Variants in ME2 observed in about 807,000 individuals in gnomAD.
The protein encoded by ME2 is NAD-dependent malic enzyme, mitochondrial.
In ME2, 60 loss-of-function variants were observed where a neutral mutation model predicts 73.7. The observed-to-expected ratio is 0.81, with a 90% CI of 0.66 to 1.01. The LOEUF (loss-of-function observed/expected upper bound fraction) is 1.01. ME2 is among the 50% of genes least tolerant of loss of function. The pLI is 0.00. For missense variants in ME2, 594 were observed against 705.5 expected, an observed-to-expected ratio of 0.84 and a Z score of 1.79; for synonymous variants, 199 against 236.9, an observed-to-expected ratio of 0.84 and a Z score of 1.47.
At chr18:50,888,953 G>A (rs1324300041) in intron 1 of ME2, among the ~76,000 whole-genome samples, 1 of 152,010 alleles carries the variant, frequency 6.6e-6, no homozygotes, top group Non-Finnish European at 1.5e-5. Flanking sequence ...CATATAATTT[G>A]TAAAGATCAA....
At chr18:50,906,336 G>A (rs1476647309) in intron 2 of ME2, among the ~76,000 whole-genome samples, 1 of 151,886 alleles carries the variant, frequency 6.6e-6, no homozygotes. Flanking sequence ...TTTTTGAGAT[G>A]GAGTATTGCT....
rs374036120 is a variant in ME2, at chr18:50,911,380, C to T, written c.243-1421C>T. On this transcript the variant is annotated intron_variant, in intron 3 of 15. Coordinates refer to ENST00000321341, the MANE Select transcript of ME2 (RefSeq NM_002396.5). ...ATTTATTCACCAAATATTTGCACAC[C>T]AGTTATATGCCACATATTGCTATTA... Among the ~76,000 whole-genome samples, 7 of 152,078 alleles carry T rather than the reference C, an allele frequency of 4.6e-5. No homozygotes were observed. The East Asian group carries it at 7.7e-4, about 17-fold the overall frequency.
intron 15 of ME2, chr18:50,942,799 G>T: frequency 3.7e-6 from 1 of 267,876 alleles, no homozygotes; most frequent in South Asian, 1.6e-4. Context: ...CCAGTTTTTT[G>T]AACAATCTTA....
chr18:50,881,188 C>T (rs1238862807), intron 1 of ME2, among the ~76,000 whole-genome samples: 2 of 152,140 alleles, frequency 1.3e-5, no homozygotes, highest in Non-Finnish European at 2.9e-5. Context: ...ACCACCATGC[C>T]CGGCTAATTT....
chr18:50,898,711 G>A (rs933306355), intron 2 of ME2, among the ~76,000 whole-genome samples: 2 of 152,144 alleles, frequency 1.3e-5, no homozygotes, highest in African/African-American at 4.8e-5. Context: ...GGGATTACAG[G>A]CATGAGCCAC....
intron 3 of ME2, among the ~76,000 whole-genome samples, chr18:50,911,995 G>A (rs1917169063): frequency 6.6e-6 from 1 of 152,116 alleles, no homozygotes; most frequent in African/African-American, 2.4e-5. Context: ...GGGAGCTAAT[G>A]GATATATTTG....
intron 2 of ME2, among the ~76,000 whole-genome samples, chr18:50,905,980 C>A (rs1917010188): frequency 1.3e-5 from 2 of 152,234 alleles, no homozygotes; most frequent in South Asian, 2.1e-4. Context: ...GGTTGGGAGA[C>A]CTTAGAATTT....
chr18:50,906,956 C>T (rs1054745799), intron 2 of ME2, among the ~76,000 whole-genome samples: 1 of 152,172 alleles, frequency 6.6e-6, no homozygotes, highest in Non-Finnish European at 1.5e-5. Context: ...TTTGAAAGCT[C>T]CAACCCCATG....
intron 11 of ME2, among the ~76,000 whole-genome samples, chr18:50,925,457 C>T (rs563256493): frequency 2.6e-5 from 4 of 152,072 alleles, no homozygotes; most frequent in East Asian, 1.9e-4. Flanking sequence ...CCAGTCTGGG[C>T]GACAGAGCGA....
chr18:50,897,082 T>G (rs1028234494), intron 2 of ME2, among the ~76,000 whole-genome samples: 5 of 152,244 alleles, frequency 3.3e-5, no homozygotes, highest in African/African-American at 1.2e-4. Flanking sequence ...TAGCAGTTTC[T>G]TCCTGTTCCT....
rs149205156 is a variant in ME2, at chr18:50,921,641, A to G, written c.1056+454A>G. ...ACCCAGGCTGGAGTGCAGTGGTGCG[A>G]TGTCACCTCGCTGCAACTTCTGCCT... On this transcript the variant is annotated intron_variant, in intron 10 of 15. Coordinates refer to ENST00000321341, the MANE Select transcript of ME2 (RefSeq NM_002396.5). Among the ~76,000 whole-genome samples the G allele has an allele frequency of 2.3e-3, 353 of 152,202 alleles. 2 individuals are homozygous for G. Among genetic ancestry groups the G allele is most frequent in the African/African-American group, 8.3e-3 (345 of 41,518 alleles).
At chr18:50,923,579 C>G (rs1009996546) in intron 10 of ME2, among the ~76,000 whole-genome samples, 10 of 151,872 alleles carry the variant, frequency 6.6e-5, no homozygotes, top group Non-Finnish European at 1.0e-4. Context: ...GGCAAGATGG[C>G]AAAACCCCAT....
intron 2 of ME2, 104 bp from the exon 3 acceptor site, chr18:50,907,959 T>C: frequency 3.6e-6 from 3 of 843,554 alleles, no homozygotes; most frequent in Non-Finnish European, 3.6e-6. Context: ...AAAAATAATA[T>C]GTCATTGATT....
At chr18:50,887,201 T>C (rs1212795331) in intron 1 of ME2, among the ~76,000 whole-genome samples, 4 of 152,168 alleles carry the variant, frequency 2.6e-5, no homozygotes, top group Non-Finnish European at 5.9e-5. Context: ...AGTGATCGAT[T>C]AGTCACATGT....
At chr18:50,888,213 C>T (rs772118947) in intron 1 of ME2, among the ~76,000 whole-genome samples, 1 of 152,028 alleles carries the variant, frequency 6.6e-6, no homozygotes, top group Non-Finnish European at 1.5e-5. Context: ...GGCATGATGG[C>T]ACATGCCTGT....
At position 50,917,354 on chromosome 18, in the gene ME2, T is replaced by C; in HGVS notation, c.476T>C (p.Val159Ala). 6.2e-7 allele frequency: 1 copy of C among 1,612,798 alleles called. No homozygotes were observed. Among genetic ancestry groups the C allele is most frequent in the Non-Finnish European group, 8.5e-7 (1 of 1,179,176 alleles). The change falls in exon 6 of 16, where the codon GTA (valine) becomes GCA (alanine). Residue 159 changes from valine to alanine, a missense_variant. By Grantham distance (64) the Val-to-Ala change is moderately conservative (BLOSUM62 0). Coordinates refer to ENST00000321341, the MANE Select transcript of ME2 (RefSeq NM_002396.5). The stretch of plus-strand genomic sequence containing the variant: ...CATTTTTTTGTGATTAAGGCTGTTG[T>C]AGTGACTGATGGAGAGAGAATTCTG... ...NWPENHVKAV[V>A]VTDGERILGL...
intron 4 of ME2, chr18:50,915,892 T>C (rs931539222): frequency 1.9e-4 from 50 of 269,338 alleles, no homozygotes; most frequent in African/African-American, 1.0e-3. Context: ...TGGTGGTGTA[T>C]TGAGTTTATT....
intron 13 of ME2, chr18:50,933,548 GAACTTGAT>G (rs1260068294): frequency 6.6e-6 from 1 of 151,818 alleles, no homozygotes; most frequent in Admixed American, 6.6e-5. Context: ...TCTCTTTCTA[GAACTTGAT>G]AATGTTCAAA....
In ME2 at chr18:50,917,467, A is replaced by G; in HGVS notation, c.589A>G (p.Arg197Gly). 1.2e-6 allele frequency: 2 copies of G among 1,613,334 alleles called. No individual in the cohort carries two copies. The highest frequency in any genetic ancestry group is 1.7e-6 in the Non-Finnish European group (2 of 1,179,404). ...AGCTTGTGCAGGAATACGGCCTGAT[A>G]GATGCCTGCCAGTGTGTATTGATGT... ...YTACAGIRPD[R>G]CLPVCIDVGT... The change falls in exon 6 of 16, where the codon AGA becomes GGA. Residue 197 changes from arginine to glycine, a missense_variant. Coordinates refer to ENST00000321341, the MANE Select transcript of ME2 (RefSeq NM_002396.5).
Sources: allele counts gnomAD v4.1 joint callset (sites outside exome capture counted in the v4.1 genomes callset), GRCh38; gene constraint gnomAD v4.1.1; transcripts MANE v1.5; gene names NCBI Gene and HGNC (gene_info 2026-07-23, HGNC 2026-07-21).